The following SCPEP1 variants were observed in gnomAD, a reference collection of about 807,000 sequenced individuals.
SCPEP1 encodes the protein serine carboxypeptidase 1.
Under a neutral mutation model 63.8 loss-of-function variants are expected in SCPEP1, and 51 were observed. The ratio of observed to expected loss-of-function variants is 0.80; its 90% CI spans 0.64 to 1.01. The LOEUF is 1.01. SCPEP1 is among the 50% of genes least tolerant of loss of function. SCPEP1 has a pLI of 0.00. For missense variants in SCPEP1, 499 were observed against 554.9 expected (o/e 0.90, Z 1.01); for synonymous variants, 204 against 207.8 (o/e 0.98, Z 0.16).
chr17:56,983,313 A>T (rs151230190), intron 2 of SCPEP1: 3,638 of 152,258 alleles, frequency 0.024, 58 homozygotes, highest in South Asian at 0.053. Flanking sequence ...GAGAACTGAG[A>T]TTTCTCCCAC....
chr17:56,982,747 T>C (rs970706429), intron 2 of SCPEP1: 1 of 152,100 alleles, frequency 6.6e-6, no homozygotes, highest in Admixed American at 6.5e-5. Flanking sequence ...CTTTTCTTTT[T>C]TTTTTTTACC....
chr17:56,987,895 C>T, intron 4 of SCPEP1, 45 bp downstream of exon 4: 1 of 1,601,442 alleles, frequency 6.2e-7, no homozygotes, highest in Non-Finnish European at 8.5e-7. Context: ...CTGGCAATAT[C>T]AACTCTACAT....
intron 2 of SCPEP1, 54 bp downstream of exon 2, chr17:56,981,284 G>C: frequency 1.9e-6 from 3 of 1,599,496 alleles, no homozygotes; most frequent in Non-Finnish European, 2.6e-6. Flanking sequence ...CCTCTGTGTG[G>C]CTCTTTGCTT....
At chr17:56,989,506 TTATACA>T (rs1262756772) in intron 5 of SCPEP1, among the ~76,000 whole-genome samples, 1 of 152,256 alleles carries the variant, frequency 6.6e-6, no homozygotes, top group African/African-American at 2.4e-5. Flanking sequence ...ATGGGAATAC[TTATACA>T]TATGTATATG....
chr17:56,999,915 G>C (rs1302237436), intron 10 of SCPEP1, among the ~76,000 whole-genome samples: 1 of 151,014 alleles, frequency 6.6e-6, no homozygotes, highest in Admixed American at 6.6e-5. Context: ...CCGAGAGGCA[G>C]AGATTGCGGT....
chr17:56,978,329 T>C, intron 1 of SCPEP1, 94 bp downstream of exon 1: 2 of 1,377,122 alleles, frequency 1.5e-6, no homozygotes, highest in South Asian at 2.9e-5. Flanking sequence ...AAAACATGTC[T>C]CTTTTCCCCG....
At chr17:57,005,206 A>G (rs1911847701) in intron 12 of SCPEP1, among the ~76,000 whole-genome samples, 1 of 152,178 alleles carries the variant, frequency 6.6e-6, no homozygotes, top group Admixed American at 6.5e-5. Flanking sequence ...AAAGGCTGGA[A>G]TTGTGGAGCA....
intron 6 of SCPEP1, 106 bp from the exon 7 acceptor site, chr17:56,994,875 G>C (rs1219236835): frequency 1.1e-5 from 11 of 1,021,412 alleles, no homozygotes; most frequent in Non-Finnish European, 1.5e-5. Flanking sequence ...AAGCCACCGG[G>C]TTTCTTGCTT....
At chr17:56,994,721 G>A (rs1348206791) in intron 6 of SCPEP1, among the ~76,000 whole-genome samples, 1 of 152,166 alleles carries the variant, frequency 6.6e-6, no homozygotes, top group African/African-American at 2.4e-5. Context: ...CTCACTTGCT[G>A]GACCAGTATC....
At position 56,997,132 on chromosome 17, in the gene SCPEP1, A is replaced by C. The variant is rs945896784; in HGVS notation, c.880+77A>C. ...AGAAACCTGTTTATTAAAAAAAAAAAAAACTTTATTAACATATAATTTGCA... is the reference window on the plus strand; with the variant it reads ...AGAAACCTGTTTATTAAAAAAAAAACAAACTTTATTAACATATAATTTGCA... On this transcript the variant is annotated intron_variant, in intron 9 of 12. Coordinates refer to ENST00000262288, the MANE Select transcript of SCPEP1 (RefSeq NM_021626.3). 22 of 935,658 alleles carry C rather than the reference A, an allele frequency of 2.4e-5. No homozygotes were observed. In the Admixed American group the frequency reaches 3.9e-4, roughly 17 times the overall value. The allele number at this position is 935,658 out of a possible 1,614,324, so 58.0% of individuals were successfully genotyped here.
intron 8 of SCPEP1, among the ~76,000 whole-genome samples, chr17:56,996,405 G>A (rs761792480): frequency 1.3e-5 from 2 of 151,730 alleles, no homozygotes; most frequent in South Asian, 4.2e-4. Flanking sequence ...GGGTTTCACC[G>A]TGTTGCCCAG....
intron 5 of SCPEP1, among the ~76,000 whole-genome samples, chr17:56,990,787 C>T (rs1427987414): frequency 1.3e-5 from 2 of 152,012 alleles, no homozygotes; most frequent in African/African-American, 4.8e-5. Flanking sequence ...ACGAGCACTA[C>T]CGTGCCTGGC....
chr17:56,980,748 A>T (rs1388251672), intron 1 of SCPEP1, among the ~76,000 whole-genome samples: 2 of 143,112 alleles, frequency 1.4e-5, no homozygotes, highest in African/African-American at 5.3e-5. Context: ...AGATTGCGCC[A>T]TTGCATTCCA....
chr17:56,988,231 AT>A lies in SCPEP1; in HGVS notation c.491del (p.Phe164SerfsTer15), dbSNP rs1190928799. 2.5e-6 allele frequency: 4 copies of A among 1,611,280 alleles called. No homozygotes were observed. On this transcript the variant is annotated frameshift_variant, in exon 5 of 13. Transcript: ENST00000262288. LOFTEE classifies it high-confidence loss of function. ...TTCTTGCTAGACAGTTCCATTCTACATTTTCTCAGAGTCCTATGGAGGAAAA... is the reference window on the plus strand; with the variant it reads ...TTCTTGCTAGACAGTTCCATTCTACATTTCTCAGAGTCCTATGGAGGAAAA... ...HKEFQTVPFY[I>X]FSESYGGKMA...
intron 1 of SCPEP1, 71 bp downstream of exon 1, chr17:56,978,306 G>A: frequency 1.4e-6 from 2 of 1,442,702 alleles, no homozygotes; most frequent in South Asian, 2.6e-5. Context: ...TTGTTACTGG[G>A]TTTGTGCTTT....
intron 8 of SCPEP1, among the ~76,000 whole-genome samples, chr17:56,996,756 T>G (rs1911576252): frequency 6.6e-6 from 1 of 152,044 alleles, no homozygotes; most frequent in African/African-American, 2.4e-5. Flanking sequence ...TGGGCTCAAG[T>G]GATCCACCCA....
At chr17:57,005,332 CATTTCCTG>C (rs1911852214) in intron 12 of SCPEP1, among the ~76,000 whole-genome samples, 1 of 152,204 alleles carries the variant, frequency 6.6e-6, no homozygotes, top group Non-Finnish European at 1.5e-5. Context: ...AGTTCAGGCC[CATTTCCTG>C]TTGGTTTGTC....
chr17:56,985,782 G>A (rs1313573240), intron 3 of SCPEP1, among the ~76,000 whole-genome samples: 4 of 151,978 alleles, frequency 2.6e-5, no homozygotes, highest in Non-Finnish European at 5.9e-5. Flanking sequence ...CGCGGCCTCA[G>A]ACACCATGGT....
At position 56,995,405 on chromosome 17, in the gene SCPEP1, CTCCT is replaced by C. The variant is rs1469705377; in HGVS notation, c.658-94_658-91del. ...ACACTTTGATATGTGAGCTCCCGTT[CTCCT>C]TCCTTCCCCTCTTTCTCCTACCCCT... On this transcript the variant is annotated intron_variant, in intron 7 of 12. Coordinates refer to ENST00000262288, the MANE Select transcript of SCPEP1 (RefSeq NM_021626.3). The C allele has an allele frequency of 4.8e-6, 6 of 1,261,154 alleles. No individual in the cohort carries two copies. The Admixed American group carries it at 6.6e-5, about 14-fold the overall frequency. 78.1% of individuals were successfully genotyped at this position (1,261,154 alleles called of 1,614,324 possible). A position where few individuals can be genotyped will look rare whatever the true frequency, so the allele number is the denominator to read the frequency against.
Sources: gnomAD v4.1 joint callset for allele counts (sites outside exome capture counted in the v4.1 genomes callset) on GRCh38, gnomAD v4.1.1 for gene constraint, MANE v1.5 for transcripts, NCBI Gene and HGNC (gene_info 2026-07-23, HGNC 2026-07-21) for gene names.